Variants in KCNU1 observed in about 807,000 individuals in gnomAD.
KCNU1 encodes potassium channel subfamily U member 1.
A neutral mutation model predicts 126.8 loss-of-function variants in KCNU1; 93 were observed. The observed-to-expected ratio is 0.73, with a 90% CI of 0.62 to 0.87. The LOEUF (loss-of-function observed/expected upper bound fraction) is 0.87, where lower values mean the gene tolerates loss of function less well. Ranked by LOEUF, KCNU1 falls within the 40% of genes least tolerant of loss-of-function variation. The pLI, the probability that KCNU1 is intolerant of heterozygous loss-of-function variation, is 0.00. For missense variants in KCNU1, 1,330 were observed against 1,367.1 expected, an observed-to-expected ratio of 0.97 and a Z score of 0.43; for synonymous variants, 523 against 494.2, an observed-to-expected ratio of 1.06 and a Z score of -0.77.
intron 18 of KCNU1, among the ~76,000 whole-genome samples, chr8:36,857,082 G>A (rs1805552738): frequency 6.6e-6 from 1 of 152,166 alleles, no homozygotes; most frequent in Non-Finnish European, 1.5e-5. Flanking sequence ...GATGGTGGGT[G>A]GTGTTGGAAA....
At chr8:36,803,273 A>G (rs1803376793) in intron 2 of KCNU1, among the ~76,000 whole-genome samples, 1 of 152,224 alleles carries the variant, frequency 6.6e-6, no homozygotes, top group Non-Finnish European at 1.5e-5. Flanking sequence ...TGAAATCCAG[A>G]GTTTCATTAT....
At chr8:36,890,347 A>G (rs1473421486) in intron 19 of KCNU1, among the ~76,000 whole-genome samples, 1 of 152,074 alleles carries the variant, frequency 6.6e-6, no homozygotes, top group Non-Finnish European at 1.5e-5. Flanking sequence ...GAAATGAATG[A>G]CAGCAGCATC....
rs946025344 is a variant in KCNU1 at position 36,935,582 on chromosome 8, C to G, written c.3112C>G (p.Pro1038Ala). ...LPSDLVFCAI[P>A]FSTACYKRNE... ...TTCAGATCTTGTGTTTTGTGCCATA[C>G]CCTTCAGCACTGCTTGTTATAAAAG... is the stretch of plus-strand genomic sequence containing the variant. Residue 1038 changes from proline to alanine, a missense_variant, in exon 27 of 27, where the codon CCC (proline) becomes GCC (alanine). Around this residue, in one of 3 missense-constraint regions of KCNU1, gnomAD observed 1,054 missense variants for 1,053.9 expected, o/e 1.00. Transcript: ENST00000399881. 2 of 1,612,794 alleles carry G rather than the reference C, an allele frequency of 1.2e-6. No homozygotes were observed. Among genetic ancestry groups the G allele is most frequent in the East Asian group, 4.5e-5 (2 of 44,868 alleles).
intron 2 of KCNU1, among the ~76,000 whole-genome samples, chr8:36,799,055 G>A (rs1007156821): frequency 2.0e-5 from 3 of 152,070 alleles, no homozygotes; most frequent in Admixed American, 6.5e-5. Flanking sequence ...CCAGGCACCG[G>A]GGTGCAGAAG....
At chr8:36,910,406 G>A (rs1807820963) in intron 21 of KCNU1, among the ~76,000 whole-genome samples, 1 of 152,030 alleles carries the variant, frequency 6.6e-6, no homozygotes, top group Non-Finnish European at 1.5e-5. Context: ...GCTAGTGTTA[G>A]GAATTACCAC....
At position 36,915,957 on chromosome 8, in the gene KCNU1, G is replaced by A. The variant is rs186893776; in HGVS notation, c.2522-2866G>A. Among the ~76,000 whole-genome samples, 392 of 150,588 alleles carry A rather than the reference G, an allele frequency of 2.6e-3. 2 individuals are homozygous for A. The highest frequency in any genetic ancestry group is 9.3e-3 in the African/African-American group (381 of 40,962). On this transcript the variant is annotated intron_variant, in intron 22 of 26. Transcript: ENST00000399881. ...AAAGGGAGGGAGGAGGAAAAGAGGA[G>A]GAAGGAAGAAAAGGGAAGAAGGAAA...
Position 36,860,481 on chromosome 8 carries a change from A to G in KCNU1, c.1892-3923A>G, listed in dbSNP as rs117936728. Among the ~76,000 whole-genome samples the G allele has an allele frequency of 3.1e-3, 471 of 152,272 alleles. 5 individuals carry two copies. The highest frequency in any genetic ancestry group is 0.028 in the East Asian group (147 of 5,178). Reference sequence around the variant, plus strand: ...CTGACCTTCTTCTTAATGGAATTAGATAAGTTTTTGGGCATGAAGTTTCTC... The same window carrying G: ...CTGACCTTCTTCTTAATGGAATTAGGTAAGTTTTTGGGCATGAAGTTTCTC... On this transcript the variant is annotated intron_variant, in intron 18 of 26. Coordinates refer to ENST00000399881, the MANE Select transcript of KCNU1 (RefSeq NM_001031836.3).
chr8:36,883,252 C>G (rs1361557195), intron 19 of KCNU1, among the ~76,000 whole-genome samples: 1 of 152,154 alleles, frequency 6.6e-6, no homozygotes. Flanking sequence ...CAGTTGGTGA[C>G]CTATCATGCT....
chr8:36,841,757 G>T (rs138270427), intron 16 of KCNU1, among the ~76,000 whole-genome samples: 1 of 152,036 alleles, frequency 6.6e-6, no homozygotes, highest in East Asian at 1.9e-4. Context: ...CTGACCAGCC[G>T]ACCGGACAAA....
chr8:36,914,456 C>T (rs561977008), intron 22 of KCNU1, among the ~76,000 whole-genome samples: 6 of 152,354 alleles, frequency 3.9e-5, no homozygotes, highest in African/African-American at 1.4e-4. Flanking sequence ...AAACTCCGCC[C>T]TAACCTATCT....
At chr8:36,825,366 C>G (rs188435002) in intron 10 of KCNU1, among the ~76,000 whole-genome samples, 1 of 152,028 alleles carries the variant, frequency 6.6e-6, no homozygotes, top group Non-Finnish European at 1.5e-5. Flanking sequence ...ATATGTGATT[C>G]GAGCCTTTGT....
intron 19 of KCNU1, among the ~76,000 whole-genome samples, chr8:36,874,757 T>C (rs1257244219): frequency 6.6e-6 from 1 of 152,164 alleles, no homozygotes; most frequent in Non-Finnish European, 1.5e-5. Context: ...CCTTTTAAAA[T>C]AAACATCAAG....
chr8:36,929,633 G>T (rs903269504), intron 24 of KCNU1, among the ~76,000 whole-genome samples: 7 of 152,088 alleles, frequency 4.6e-5, no homozygotes, highest in African/African-American at 1.7e-4. Flanking sequence ...TCACAAAGCT[G>T]ATGAACCAGA....
intron 22 of KCNU1, among the ~76,000 whole-genome samples, chr8:36,918,567 A>G (rs2211717): frequency 3.9e-4 from 59 of 151,678 alleles, no homozygotes; most frequent in Non-Finnish European, 5.7e-4. Context: ...AAAAGGAAAA[A>G]AGAAAAAAGA....
Position 36,805,220 on chromosome 8 carries a change from G to A in KCNU1, c.403G>A (p.Glu135Lys), listed in dbSNP as rs750205243. 6.2e-7 allele frequency: 1 copy of A among 1,610,668 alleles called. No individual in the cohort carries two copies. The highest frequency in any genetic ancestry group is 1.3e-5 in the African/African-American group (1 of 74,986). Reference protein sequence around the residue: ...ADPVGSCSSYEDKTIPIDLVF... With the variant: ...ADPVGSCSSYKDKTIPIDLVF... ...CCCTGTTGGAAGCTGTTCATCATAT[G>A]AAGACAAAACCATTCCTATTGATTT... The change falls in exon 4 of 27, where the codon GAA (glutamate) becomes AAA (lysine). Residue 135 changes from glutamate to lysine, a missense_variant. This residue lies in a region of KCNU1 where 247 missense variants were observed against 255.4 expected (regional missense o/e 0.97). Coordinates refer to ENST00000399881, the MANE Select transcript of KCNU1 (RefSeq NM_001031836.3).
At chr8:36,877,071 G>T (rs772662219) in intron 19 of KCNU1, among the ~76,000 whole-genome samples, 1 of 152,092 alleles carries the variant, frequency 6.6e-6, no homozygotes, top group Admixed American at 6.5e-5. Flanking sequence ...CTAACTCTCT[G>T]TTACCTGCAC....
In KCNU1 at chr8:36,836,959, T is replaced by C. The variant is rs777106631; in HGVS notation, c.1518+14T>C. 3.7e-6 allele frequency: 6 copies of C among 1,613,070 alleles called. No homozygotes were observed. Among genetic ancestry groups the C allele is most frequent in the Admixed American group, 1.7e-5 (1 of 60,008 alleles). ...CAAAACAAAAAGGTAACCTTGTAAATTACTGTTGATTCTTGGCTCTGTTCC... is the reference window on the plus strand; with the variant it reads ...CAAAACAAAAAGGTAACCTTGTAAACTACTGTTGATTCTTGGCTCTGTTCC... On this transcript the variant is annotated intron_variant, in intron 14 of 26. Transcript: ENST00000399881.
At chr8:36,797,647 T>A (rs1049863788) in intron 2 of KCNU1, among the ~76,000 whole-genome samples, 14 of 150,108 alleles carry the variant, frequency 9.3e-5, no homozygotes, top group East Asian at 3.9e-4. Flanking sequence ...TTTTTTTTTT[T>A]AAAGAAGTGC....
chr8:36,911,542 G>T (rs1251745348), intron 22 of KCNU1, among the ~76,000 whole-genome samples: 1 of 152,098 alleles, frequency 6.6e-6, no homozygotes, highest in Non-Finnish European at 1.5e-5. Context: ...TAGTTTTGTG[G>T]TTGAGAGAAT....
Sources: allele counts gnomAD v4.1 joint callset (sites outside exome capture counted in the v4.1 genomes callset), GRCh38; gene constraint gnomAD v4.1.1; regional missense constraint gnomAD v4.1.1; transcripts MANE v1.5; gene names NCBI Gene and HGNC (gene_info 2026-07-23, HGNC 2026-07-21).